The following SDK1 variants were observed in gnomAD, a reference collection of about 807,000 sequenced individuals.
SDK1 encodes the protein sidekick cell adhesion molecule 1.
Under a neutral mutation model 245.5 loss-of-function variants are expected in SDK1, and 157 were observed. The observed-to-expected ratio is 0.64, with a 90% CI of 0.56 to 0.73. The LOEUF (loss-of-function observed/expected upper bound fraction) is 0.73, where lower values mean the gene tolerates loss of function less well. Among genes scored for constraint, SDK1 ranks in the 30% least tolerant of loss-of-function variants. The probability of loss-of-function intolerance (pLI) is 0.00; values close to 1 mark genes in which losing one functional copy is unlikely to be tolerated. For missense variants in SDK1, 3,583 were observed against 3,002.3 expected, an observed-to-expected ratio of 1.19 and a Z score of -4.52; for synonymous variants, 1,647 against 1,278.5, an observed-to-expected ratio of 1.29 and a Z score of -6.15.
chr7:3,958,917 T>A lies in SDK1; in HGVS notation c.1151-14T>A, dbSNP rs755195000. 4 of 1,609,254 alleles carry A rather than the reference T, an allele frequency of 2.5e-6. No individual in the cohort carries two copies. The highest frequency in any genetic ancestry group is 3.4e-6 in the Non-Finnish European group (4 of 1,176,078). On this transcript the variant is annotated splice_polypyrimidine_tract_variant and intron_variant, in intron 7 of 44. Transcript: ENST00000404826. ...CTTTGGCTTAGGGGCTTTTTTTTAT[T>A]TTCTTGTTTGAAGAGCCACCATATT...
intron 7 of SDK1, 106 bp downstream of exon 7, chr7:3,952,026 T>C: frequency 9.5e-7 from 1 of 1,048,388 alleles, no homozygotes; most frequent in Non-Finnish European, 1.4e-6. Flanking sequence ...TATTTGTAAC[T>C]CGGCAAATGA....
intron 4 of SDK1, among the ~76,000 whole-genome samples, chr7:3,766,792 G>C: frequency 6.6e-6 from 1 of 152,084 alleles, no homozygotes; most frequent in Admixed American, 6.6e-5. Flanking sequence ...AGTTTTCTTA[G>C]CAGTCAACAA....
At chr7:4,265,102 C>G in intron 44 of SDK1, 22 bp from the exon 45 acceptor site, 1 of 1,605,590 alleles carries the variant, frequency 6.2e-7, no homozygotes, top group Non-Finnish European at 8.5e-7. Context: ...TGCACTCACA[C>G]CTTCTCTCCC....
intron 44 of SDK1, among the ~76,000 whole-genome samples, chr7:4,252,482 A>G (rs1032471046): frequency 6.6e-6 from 1 of 152,070 alleles, no homozygotes; most frequent in Non-Finnish European, 1.5e-5. Context: ...GTTGGTTCCA[A>G]GTCTTTGCTA....
chr7:4,178,402 T>C, intron 34 of SDK1, 83 bp from the exon 35 acceptor site: 1 of 994,474 alleles, frequency 1.0e-6, no homozygotes, highest in South Asian at 1.3e-5. Flanking sequence ...GCTCCTTGCT[T>C]CATTGTGGTT....
chr7:3,377,603 G>C (rs1024757467), intron 1 of SDK1, among the ~76,000 whole-genome samples: 1 of 152,060 alleles, frequency 6.6e-6, no homozygotes, highest in Admixed American at 6.5e-5. Flanking sequence ...TGTTGTAACA[G>C]TTCTGAGTTC....
At chr7:3,973,248 C>A (rs892560451) in intron 12 of SDK1, among the ~76,000 whole-genome samples, 1 of 152,144 alleles carries the variant, frequency 6.6e-6, no homozygotes, top group Non-Finnish European at 1.5e-5. Context: ...TGGAATCAGC[C>A]CTGTTCTATC....
chr7:3,596,177 A>T (rs990558812), intron 1 of SDK1, among the ~76,000 whole-genome samples: 5 of 152,130 alleles, frequency 3.3e-5, no homozygotes, highest in Non-Finnish European at 7.4e-5. Flanking sequence ...GGAGCGTTTC[A>T]GTCTGTCGTT....
At chr7:3,677,725 T>A (rs1234731965) in intron 4 of SDK1, among the ~76,000 whole-genome samples, 1 of 152,232 alleles carries the variant, frequency 6.6e-6, no homozygotes, top group African/African-American at 2.4e-5. Context: ...ATATTTTATA[T>A]CTTAATGTGA....
chr7:3,604,850 C>T (rs1474596738), intron 1 of SDK1, among the ~76,000 whole-genome samples: 1 of 151,934 alleles, frequency 6.6e-6, no homozygotes, highest in Non-Finnish European at 1.5e-5. Context: ...GATCTGCCCA[C>T]CTCGGCCTCC....
chr7:4,142,393 A>G (rs1305876501), intron 28 of SDK1, among the ~76,000 whole-genome samples: 1 of 151,914 alleles, frequency 6.6e-6, no homozygotes, highest in African/African-American at 2.4e-5. Context: ...CAGTGACGTG[A>G]TCTCGGCTCA....
intron 9 of SDK1, 27 bp from the exon 10 acceptor site, chr7:3,967,291 G>T (rs987166875): frequency 6.4e-7 from 1 of 1,568,472 alleles, no homozygotes; most frequent in Non-Finnish European, 8.8e-7. Flanking sequence ...ACAAGGCCCT[G>T]ATCATTTCAT....
intron 4 of SDK1, among the ~76,000 whole-genome samples, chr7:3,808,832 C>T (rs1168094918): frequency 6.6e-6 from 1 of 152,026 alleles, no homozygotes; most frequent in Non-Finnish European, 1.5e-5. Context: ...CCATACCTAT[C>T]GTAGTAGCGT....
intron 1 of SDK1, among the ~76,000 whole-genome samples, chr7:3,612,088 T>A (rs999653484): frequency 1.3e-5 from 2 of 152,008 alleles, no homozygotes; most frequent in African/African-American, 4.8e-5. Context: ...TGGGGACTTG[T>A]GGGAAAGGGT....
chr7:4,059,507 T>C (rs1167338629), intron 19 of SDK1, among the ~76,000 whole-genome samples: 2 of 152,080 alleles, frequency 1.3e-5, no homozygotes, highest in Non-Finnish European at 2.9e-5. Context: ...GACTTTAACA[T>C]CCCCCTCTCA....
intron 1 of SDK1, among the ~76,000 whole-genome samples, chr7:3,360,542 T>C (rs1780923376): frequency 6.6e-6 from 1 of 152,216 alleles, no homozygotes; most frequent in African/African-American, 2.4e-5. Context: ...TTTATTGATA[T>C]TTTCGATAGA....
chr7:3,477,308 G>A (rs796168786), intron 1 of SDK1, among the ~76,000 whole-genome samples: 11 of 140,248 alleles, frequency 7.8e-5, no homozygotes, highest in African/African-American at 3.0e-4. Context: ...CCATTCTCCT[G>A]CCTCAGCCTC....
chr7:3,928,594 G>T (rs1779858946), intron 5 of SDK1, among the ~76,000 whole-genome samples: 1 of 151,694 alleles, frequency 6.6e-6, no homozygotes, highest in Admixed American at 6.6e-5. Context: ...TTTCCAGCAG[G>T]ACTTGTGGGA....
At chr7:3,393,020 T>G (rs6462061) in intron 1 of SDK1, among the ~76,000 whole-genome samples, 109,832 of 144,242 alleles carry the variant, frequency 0.76, 42,264 homozygotes, top group African/African-American at 0.87. Context: ...CCCCAGGCTG[T>G]AGTACAGTGG....
Sources: gnomAD v4.1 joint callset for allele counts (sites outside exome capture counted in the v4.1 genomes callset) on GRCh38, gnomAD v4.1.1 for gene constraint, MANE v1.5 for transcripts, NCBI Gene and HGNC (gene_info 2026-07-23, HGNC 2026-07-21) for gene names.